Variants in C16orf74 observed in about 807,000 individuals in gnomAD.
The protein encoded by C16orf74 is uncharacterized protein C16orf74.
Under a neutral mutation model 6.5 loss-of-function variants are expected in C16orf74, and 10 were observed. The ratio of observed to expected loss-of-function variants is 1.54; its 90% confidence interval spans 0.95 to 2.61. The LOEUF (loss-of-function observed/expected upper bound fraction) is 2.61, where lower values mean the gene tolerates loss of function less well. C16orf74 is among the 30% of genes most tolerant of loss of function. The pLI, the probability that C16orf74 is intolerant of heterozygous loss-of-function variation, is 0.00. For synonymous variants in C16orf74, 60 were observed against 42.5 expected, an observed-to-expected ratio of 1.41 and a Z score of -1.60; for missense variants, 141 against 105.9, an observed-to-expected ratio of 1.33 and a Z score of -1.45.
At chr16:85,745,116 G>A (rs1297142307) in intron 1 of C16orf74, among the ~76,000 whole-genome samples, 1 of 134,974 alleles carries the variant, frequency 7.4e-6, no homozygotes, top group Non-Finnish European at 1.5e-5. Flanking sequence ...ACTCCAGCCT[G>A]GGCAACAAGA....
chr16:85,728,917 C>T (rs1175446128), intron 2 of C16orf74, among the ~76,000 whole-genome samples: 1 of 152,216 alleles, frequency 6.6e-6, no homozygotes, highest in African/African-American at 2.4e-5. Context: ...TGGAATCCCC[C>T]CGGAGGATGT....
chr16:85,708,292 T>C (rs2053933547), intron 3 of C16orf74, among the ~76,000 whole-genome samples: 1 of 152,080 alleles, frequency 6.6e-6, no homozygotes, highest in South Asian at 2.1e-4. Context: ...GGAACCTCCC[T>C]GGGGCTCGGA....
chr16:85,724,384 G>C (rs1241283697), intron 2 of C16orf74, among the ~76,000 whole-genome samples: 1 of 152,202 alleles, frequency 6.6e-6, no homozygotes, highest in Non-Finnish European at 1.5e-5. Flanking sequence ...GGGAGGCTCT[G>C]TCTGGACTCT....
rs59369150 is a variant in C16orf74 at position 85,723,302 on chromosome 16, C to T, written c.28+11888G>A. Among the ~76,000 whole-genome samples, 361 of 149,984 alleles carry T rather than the reference C, an allele frequency of 2.4e-3. 2 individuals are homozygous for T. Among genetic ancestry groups the T allele is most frequent in the African/African-American group, 8.5e-3 (345 of 40,566 alleles). On this transcript the variant is annotated intron_variant, in intron 2 of 3. Coordinates refer to ENST00000284245, the MANE Select transcript of C16orf74 (RefSeq NM_206967.3). ...AAAAGGCCAGGTGCAGTGGCACATG[C>T]CTGTAATCCCAGCACTTTGGGAGGC...
chr16:85,723,001 G>A (rs1254208200), intron 2 of C16orf74, among the ~76,000 whole-genome samples: 1 of 152,216 alleles, frequency 6.6e-6, no homozygotes, highest in African/African-American at 2.4e-5. Context: ...GCTCATGCCT[G>A]AAATCCCAGC....
At chr16:85,735,883 CTT>C (rs2054239164) in intron 1 of C16orf74, among the ~76,000 whole-genome samples, 1 of 152,186 alleles carries the variant, frequency 6.6e-6, no homozygotes, top group Non-Finnish European at 1.5e-5. Context: ...CCTGCATGCT[CTT>C]GACACTCACT....
chr16:85,736,528 G>A (rs2054246538), intron 1 of C16orf74, among the ~76,000 whole-genome samples: 2 of 152,152 alleles, frequency 1.3e-5, no homozygotes, highest in African/African-American at 2.4e-5. Context: ...AGTAAGACAT[G>A]GGTGGGAGAT....
At chr16:85,725,063 G>A (rs2054119777) in intron 2 of C16orf74, among the ~76,000 whole-genome samples, 1 of 130,558 alleles carries the variant, frequency 7.7e-6, no homozygotes, top group African/African-American at 2.9e-5. Flanking sequence ...ATGGGTGACT[G>A]ATGGGGGGGG....
intron 1 of C16orf74, among the ~76,000 whole-genome samples, chr16:85,748,085 C>CAA (rs1194899017): frequency 6.3e-5 from 4 of 63,768 alleles, no homozygotes; most frequent in Admixed American, 1.7e-4. Flanking sequence ...GACTCCGTCT[C>CAA]AAAAAAATAT....
intron 1 of C16orf74, among the ~76,000 whole-genome samples, chr16:85,745,212 G>C (rs1343636282): frequency 1.3e-5 from 2 of 149,060 alleles, no homozygotes; most frequent in South Asian, 4.2e-4. Flanking sequence ...TGGTGACAAG[G>C]ATGGGCAATG....
chr16:85,738,250 C>CA (rs1425288048), intron 1 of C16orf74, among the ~76,000 whole-genome samples: 1 of 151,620 alleles, frequency 6.6e-6, no homozygotes, highest in African/African-American at 2.4e-5. Flanking sequence ...CTCTTAAAAA[C>CA]AAAATGCTGC....
In C16orf74 at chr16:85,728,778, A is replaced by G. The variant is rs558029747; in HGVS notation, c.28+6412T>C. Among the ~76,000 whole-genome samples the G allele has an allele frequency of 4.6e-5, 7 of 152,318 alleles. No homozygotes were observed. In the East Asian group the frequency reaches 1.3e-3, roughly 29 times the overall value. ...TCACCACTCCATTTTACAGACACAG[A>G]AACTGAGGCCTGGGCACGGGAAGTG... On this transcript the variant is annotated intron_variant, in intron 2 of 3. Transcript: ENST00000284245.
intron 2 of C16orf74, among the ~76,000 whole-genome samples, chr16:85,723,527 G>A (rs1017762064): frequency 6.6e-6 from 1 of 152,190 alleles, no homozygotes; most frequent in East Asian, 1.9e-4. Flanking sequence ...CTATGGCCAC[G>A]GTCATCTCCC....
At chr16:85,734,141 C>T (rs2054219574) in intron 2 of C16orf74, among the ~76,000 whole-genome samples, 1 of 152,180 alleles carries the variant, frequency 6.6e-6, no homozygotes, top group South Asian at 2.1e-4. Flanking sequence ...ATCTAAAAGC[C>T]CTAAGCCTGC....
intron 2 of C16orf74, among the ~76,000 whole-genome samples, chr16:85,713,755 G>C (rs890416237): frequency 1.1e-5 from 1 of 89,578 alleles, no homozygotes. Flanking sequence ...AATCCTTAAA[G>C]CCCCTGGACA....
intron 2 of C16orf74, among the ~76,000 whole-genome samples, chr16:85,716,861 C>T (rs1317616562): frequency 1.3e-5 from 2 of 152,188 alleles, no homozygotes; most frequent in African/African-American, 2.4e-5. Context: ...CAAATGCCAG[C>T]CCTGCCCCAG....
At chr16:85,724,470 G>C (rs2054113222) in intron 2 of C16orf74, among the ~76,000 whole-genome samples, 1 of 152,184 alleles carries the variant, frequency 6.6e-6, no homozygotes, top group African/African-American at 2.4e-5. Flanking sequence ...GGTGACCTCA[G>C]GTGGGAGCTT....
At chr16:85,713,144 T>C (rs2053986627) in intron 2 of C16orf74, among the ~76,000 whole-genome samples, 2 of 152,112 alleles carry the variant, frequency 1.3e-5, no homozygotes, top group Non-Finnish European at 2.9e-5. Flanking sequence ...GGGAGACTGT[T>C]CCAAGCCCCT....
rs1029962760 is a variant in C16orf74 at position 85,719,786 on chromosome 16, A to AG, written c.29-9480dup. Among the ~76,000 whole-genome samples, 8 of 149,786 alleles carry AG rather than the reference A, an allele frequency of 5.3e-5. No individual in the cohort carries two copies. The South Asian group carries it at 6.3e-4, about 12-fold the overall frequency. ...CACAAAGGCCCTGAGGCAGGAACAG[A>AG]GGGGCCACAGGCCACAGCACACACA... On this transcript the variant is annotated intron_variant, in intron 2 of 3. Coordinates refer to ENST00000284245, the MANE Select transcript of C16orf74 (RefSeq NM_206967.3).
Sources: gnomAD v4.1 joint callset for allele counts (sites outside exome capture counted in the v4.1 genomes callset) on GRCh38, gnomAD v4.1.1 for gene constraint, MANE v1.5 for transcripts, NCBI Gene and HGNC (gene_info 2026-07-23, HGNC 2026-07-21) for gene names.